KLRD1: variants seen among roughly 807,000 people sequenced by gnomAD.
KLRD1 encodes killer cell lectin like receptor D1.
A neutral mutation model predicts 22.6 loss-of-function variants in KLRD1; 21 were observed. The ratio of observed to expected loss-of-function variants is 0.93; its 90% CI spans 0.66 to 1.34. The LOEUF is 1.34. Ranked by LOEUF, KLRD1 falls within the 40% of genes most tolerant of loss-of-function variation. KLRD1 has a pLI of 0.00. For synonymous variants in KLRD1, 59 were observed against 71.1 expected (o/e 0.83, Z 0.85); for missense variants, 183 against 208.6 (o/e 0.88, Z 0.76).
intron 4 of KLRD1, among the ~76,000 whole-genome samples, chr12:10,313,130 G>T (rs561215596): frequency 6.6e-6 from 1 of 152,068 alleles, no homozygotes; most frequent in African/African-American, 2.4e-5. Context: ...TTGATCCCCC[G>T]TGAAGAAAGT....
At chr12:10,276,185 T>C (rs1017795983) in intron 1 of KLRD1, among the ~76,000 whole-genome samples, 5 of 152,170 alleles carry the variant, frequency 3.3e-5, no homozygotes, top group African/African-American at 1.2e-4. Context: ...GGACATTTAA[T>C]TGCTTTCTTT....
chr12:10,294,147 G>T (rs774435107), intron 1 of KLRD1, among the ~76,000 whole-genome samples: 1 of 152,092 alleles, frequency 6.6e-6, no homozygotes, highest in Non-Finnish European at 1.5e-5. Flanking sequence ...GATGAATATG[G>T]ACTTGAAGAT....
In KLRD1 at chr12:10,327,541, A is replaced by G. The variant is rs1950371820; in HGVS notation, c.*12748A>G. On this transcript the variant is annotated 3_prime_UTR_variant, in exon 6 of 6. Coordinates refer to ENST00000336164, the MANE Select transcript of KLRD1 (RefSeq NM_002262.5). ...TAAATGAATATAGGAGGATTTTTGC[A>G]TGTTGATTTTGTACCCTGCAACTTT... 1 of 152,170 alleles carries G rather than the reference A, an allele frequency of 6.6e-6. No homozygotes were observed. The highest frequency in any genetic ancestry group is 6.6e-5 in the Admixed American group (1 of 15,266). 9.4% of individuals were successfully genotyped at this position (152,170 alleles called of 1,614,324 possible).
In KLRD1 at chr12:10,320,909, T is replaced by C. The variant is rs554721680; in HGVS notation, c.*6116T>C. 2.6e-5 allele frequency: 4 copies of C among 152,280 alleles called. No homozygotes were observed. Among genetic ancestry groups the C allele is most frequent in the African/African-American group, 9.6e-5 (4 of 41,558 alleles). 9.4% of individuals were successfully genotyped at this position (152,280 alleles called of 1,614,324 possible). A position where few individuals can be genotyped will look rare whatever the true frequency, so the allele number is the denominator to read the frequency against. ...CAGAAGCTCCAGGTAGAGAGAAGAT[T>C]GAAGAGATTTATGTGTGCGGTTTTT... On this transcript the variant is annotated 3_prime_UTR_variant, in exon 6 of 6. Coordinates refer to ENST00000336164, the MANE Select transcript of KLRD1 (RefSeq NM_002262.5).
intron 1 of KLRD1, among the ~76,000 whole-genome samples, chr12:10,288,343 T>C (rs917339603): frequency 4.6e-5 from 7 of 152,136 alleles, no homozygotes; most frequent in Non-Finnish European, 7.3e-5. Flanking sequence ...GTAATTATTA[T>C]ATAATAAACC....
intron 1 of KLRD1, among the ~76,000 whole-genome samples, chr12:10,280,117 A>T (rs1224694021): frequency 6.6e-6 from 1 of 152,212 alleles, no homozygotes; most frequent in African/African-American, 2.4e-5. Context: ...TCTAGGTGCT[A>T]AATGTTCTTT....
intron 1 of KLRD1, 189 bp from the exon 2 acceptor site, chr12:10,309,199 G>GATAC: frequency 2.0e-6 from 1 of 499,992 alleles, no homozygotes; most frequent in East Asian, 3.1e-5. Context: ...TGAAGAATAA[G>GATAC]ATACATCACA....
rs2617133 is a variant in KLRD1, at chr12:10,286,153, C to A, written c.-100-21825C>A. The stretch of plus-strand genomic sequence containing the variant: ...CAGCAACTCTGTGGTTGGAAACATT[C>A]TGTACCATACGGTGTGATGTGTCAG... On this transcript the variant is annotated intron_variant, in intron 1 of 5. Transcript: ENST00000544747. Among the ~76,000 whole-genome samples the A allele has an allele frequency of 3.3e-5, 5 of 152,116 alleles. No homozygotes were observed. The East Asian group carries it at 9.6e-4, about 29-fold the overall frequency.
chr12:10,239,518 C>CCTTTCTTTCTTTCT (rs545852866), intron 1 of KLRD1, among the ~76,000 whole-genome samples: 1,228 of 59,524 alleles, frequency 0.021, 85 homozygotes, highest in East Asian at 0.052. Context: ...CCTTCCCTCC[C>CCTTTCTTTCTTTCT]CTTTCTTTCT....
intron 1 of KLRD1, among the ~76,000 whole-genome samples, chr12:10,285,944 C>A (rs960664470): frequency 6.6e-6 from 1 of 152,178 alleles, no homozygotes; most frequent in Non-Finnish European, 1.5e-5. Flanking sequence ...CTTCTCTCCT[C>A]CTTAAGCTGT....
chr12:10,307,551 G>A (rs530670431), upstream of KLRD1, among the ~76,000 whole-genome samples: 57 of 152,232 alleles, frequency 3.7e-4, no homozygotes, highest in Non-Finnish European at 6.8e-4. Context: ...GCTAAGATAT[G>A]CCAAGTGCTT....
chr12:10,275,386 C>G (rs536516047), intron 1 of KLRD1, among the ~76,000 whole-genome samples: 2 of 152,232 alleles, frequency 1.3e-5, no homozygotes, highest in East Asian at 1.9e-4. Flanking sequence ...TTTTCTCCTG[C>G]TAGGTGACAA....
chr12:10,260,834 C>T lies in KLRD1; in HGVS notation c.-101+34601C>T, dbSNP rs537893549. On this transcript the variant is annotated intron_variant, in intron 1 of 5. Transcript: ENST00000544747. The stretch of plus-strand genomic sequence containing the variant: ...GTGGGCACCTGTAGTCCCAGCTACT[C>T]GGGAGGCTGAGGCAGGAGAATGGCA... Among the ~76,000 whole-genome samples the T allele has an allele frequency of 6.3e-4, 96 of 151,932 alleles. No homozygotes were observed. In the Middle Eastern group the frequency reaches 0.017, roughly 27 times the overall value.
At position 10,314,893 on chromosome 12, in the gene KLRD1, C is replaced by T; in HGVS notation, c.*100C>T. The T allele has an allele frequency of 8.7e-7, 1 of 1,155,292 alleles. No homozygotes were observed. The highest frequency in any genetic ancestry group is 1.2e-6 in the Non-Finnish European group (1 of 825,666). 71.6% of individuals were successfully genotyped at this position (1,155,292 alleles called of 1,614,324 possible). ...ATTACTAATTGTCTACTTCTGGAGT[C>T]TATAAAATGTTTTTAAACAGTGTCA... On this transcript the variant is annotated 3_prime_UTR_variant, in exon 6 of 6. Transcript: ENST00000336164.
At chr12:10,282,537 G>A (rs1305251862) in intron 1 of KLRD1, among the ~76,000 whole-genome samples, 1 of 152,146 alleles carries the variant, frequency 6.6e-6, no homozygotes, top group African/African-American at 2.4e-5. Context: ...GATTACAGGT[G>A]TGAGCCACCA....
chr12:10,282,759 C>A (rs1949657994), intron 1 of KLRD1, among the ~76,000 whole-genome samples: 1 of 152,096 alleles, frequency 6.6e-6, no homozygotes. Flanking sequence ...AAGGAGGTGT[C>A]ATTTGAGTAA....
In KLRD1 at chr12:10,282,323, C is replaced by T. The variant is rs542736027; in HGVS notation, c.-100-25655C>T. On this transcript the variant is annotated intron_variant, in intron 1 of 5. Coordinates refer to the KLRD1 transcript ENST00000544747. ...CCAGGCTGGGGTGTAATGGCATGAT[C>T]TCGGCTCACCACAACCTCCGCCTCC... Among the ~76,000 whole-genome samples the T allele has an allele frequency of 8.0e-5, 12 of 149,754 alleles. No individual in the cohort carries two copies. The South Asian group carries it at 2.5e-3, about 31-fold the overall frequency.
At chr12:10,282,998 G>C (rs1483079313) in intron 1 of KLRD1, among the ~76,000 whole-genome samples, 1 of 152,210 alleles carries the variant, frequency 6.6e-6, no homozygotes, top group Non-Finnish European at 1.5e-5. Flanking sequence ...TGATGTATTC[G>C]TGAATGTCCA....
rs181928134 is a variant in KLRD1 at position 10,254,946 on chromosome 12, C to A, written c.-101+28713C>A. On this transcript the variant is annotated intron_variant, in intron 1 of 5. Transcript: ENST00000544747. Reference sequence around the variant, plus strand: ...AAAGTAGGCAAAGGACATGAACAGGCACTTCTCAAAAGAAGACATACTTGT... The same window carrying A: ...AAAGTAGGCAAAGGACATGAACAGGAACTTCTCAAAAGAAGACATACTTGT... 2.4e-4 allele frequency among the ~76,000 whole-genome samples: 36 copies of A among 148,878 alleles called. 3 individuals carry two copies. In the East Asian group the frequency reaches 7.2e-3, roughly 30 times the overall value.
Sources: allele counts gnomAD v4.1 joint callset (sites outside exome capture counted in the v4.1 genomes callset), GRCh38; gene constraint gnomAD v4.1.1; transcripts MANE v1.5; gene names NCBI Gene and HGNC (gene_info 2026-07-23, HGNC 2026-07-21).